TPRG1: variants seen among roughly 807,000 people sequenced by gnomAD.
TPRG1 encodes the protein tumor protein p63-regulated gene 1 protein.
TPRG1 carries 29 observed loss-of-function variants against 29.3 expected under a neutral mutation model. The ratio of observed to expected loss-of-function variants is 0.99; its 90% CI spans 0.74 to 1.35. The LOEUF (loss-of-function observed/expected upper bound fraction) is 1.35. Among genes scored for constraint, TPRG1 ranks in the 40% most tolerant of loss-of-function variants. TPRG1 has a pLI of 0.00. For synonymous variants in TPRG1, 130 were observed against 116.8 expected (o/e 1.11, Z -0.73); for missense variants, 327 against 335.0 (o/e 0.98, Z 0.19).
rs1349257239 is a variant in TPRG1, at chr3:189,058,716, G to A, written c.-463+34770G>A. Reference sequence around the variant, plus strand: ...TAGGAAAGCAGTGGGTTGTCTGTGGGGCTAATTTACCCAGTATGTGACTAA... The same window carrying A: ...TAGGAAAGCAGTGGGTTGTCTGTGGAGCTAATTTACCCAGTATGTGACTAA... On this transcript the variant is annotated intron_variant, in intron 4 of 10. Transcript: ENST00000433971. Among the ~76,000 whole-genome samples, 6 of 152,254 alleles carry A rather than the reference G, an allele frequency of 3.9e-5. No individual in the cohort carries two copies. The South Asian group carries it at 8.3e-4, about 21-fold the overall frequency.
At chr3:189,317,765 A>G (rs1323972382) in intron 5 of TPRG1, among the ~76,000 whole-genome samples, 3 of 152,210 alleles carry the variant, frequency 2.0e-5, no homozygotes, top group Non-Finnish European at 4.4e-5. Flanking sequence ...TATCAAATGT[A>G]TACTTACAAA....
At chr3:189,222,261 A>T (rs1410146343) in intron 3 of TPRG1, among the ~76,000 whole-genome samples, 1 of 152,278 alleles carries the variant, frequency 6.6e-6, no homozygotes, top group South Asian at 2.1e-4. Flanking sequence ...ACCTTGTCAC[A>T]GTCTCATTAT....
At position 189,320,832 on chromosome 3, in the gene TPRG1, G is replaced by A; in HGVS notation, c.*12G>A. The A allele has an allele frequency of 6.4e-7, 1 of 1,555,384 alleles. No homozygotes were observed. The highest frequency in any genetic ancestry group is 8.7e-7 in the Non-Finnish European group (1 of 1,151,058). ...GTATTGGTTTTTGAGAGTCTTTTTG[G>A]TACCATAAGCATATCATCCACAGAT... On this transcript the variant is annotated 3_prime_UTR_variant, in exon 6 of 6. Coordinates refer to ENST00000345063, the MANE Select transcript of TPRG1 (RefSeq NM_198485.4).
intron 4 of TPRG1, among the ~76,000 whole-genome samples, chr3:189,057,783 T>G (rs997740933): frequency 6.8e-6 from 1 of 147,324 alleles, no homozygotes; most frequent in Non-Finnish European, 1.5e-5. Context: ...TATACATATA[T>G]GTATATTTAT....
At chr3:189,036,304 G>A (rs1714265471) in intron 4 of TPRG1, among the ~76,000 whole-genome samples, 1 of 152,062 alleles carries the variant, frequency 6.6e-6, no homozygotes, top group South Asian at 2.1e-4. Flanking sequence ...AACTACTAGT[G>A]TAAAATTAGT....
intron 4 of TPRG1, among the ~76,000 whole-genome samples, chr3:189,301,055 T>C (rs1156708565): frequency 6.6e-6 from 1 of 152,102 alleles, no homozygotes; most frequent in Non-Finnish European, 1.5e-5. Context: ...CCCAGCACTT[T>C]GGGAGGCTGA....
chr3:189,262,983 G>A (rs1713398715), intron 4 of TPRG1, among the ~76,000 whole-genome samples: 1 of 152,264 alleles, frequency 6.6e-6, no homozygotes, highest in Non-Finnish European at 1.5e-5. Flanking sequence ...GAGAGCAAGA[G>A]AGAGAATGAG....
intron 4 of TPRG1, among the ~76,000 whole-genome samples, chr3:189,262,730 A>G (rs1453107519): frequency 4.6e-5 from 7 of 152,234 alleles, no homozygotes; most frequent in Non-Finnish European, 1.0e-4. Flanking sequence ...GGGGGTCAGG[A>G]ATATGGATAT....
At chr3:189,167,792 G>A (rs1190799424), upstream of TPRG1, among the ~76,000 whole-genome samples, 10 of 152,146 alleles carry the variant, frequency 6.6e-5, no homozygotes, top group Non-Finnish European at 1.5e-4. Flanking sequence ...GAAAAATGGT[G>A]CAACATTAGC....
chr3:189,054,324 C>T (rs1715517926), intron 4 of TPRG1, among the ~76,000 whole-genome samples: 1 of 151,370 alleles, frequency 6.6e-6, no homozygotes, highest in Admixed American at 6.6e-5. Context: ...TGGTTTGTGG[C>T]ACCCCAAAAC....
chr3:189,137,795 A>G (rs533860420), intron 3 of TPRG1, among the ~76,000 whole-genome samples: 1 of 152,226 alleles, frequency 6.6e-6, no homozygotes, highest in Non-Finnish European at 1.5e-5. Context: ...TAGCCAGTAT[A>G]GGCCTTGGTT....
At chr3:189,047,139 T>C (rs1435301089) in intron 4 of TPRG1, among the ~76,000 whole-genome samples, 1 of 152,178 alleles carries the variant, frequency 6.6e-6, no homozygotes, top group African/African-American at 2.4e-5. Flanking sequence ...ATATATCATA[T>C]ATATTACCAG....
intron 4 of TPRG1, among the ~76,000 whole-genome samples, chr3:189,243,961 C>A (rs1268159251): frequency 6.6e-6 from 1 of 152,188 alleles, no homozygotes; most frequent in Non-Finnish European, 1.5e-5. Context: ...CCTCATCCTC[C>A]TGTCTTCTTC....
At chr3:189,276,493 G>A (rs1716168145) in intron 4 of TPRG1, among the ~76,000 whole-genome samples, 1 of 152,164 alleles carries the variant, frequency 6.6e-6, no homozygotes, top group South Asian at 2.1e-4. Context: ...ATAAAATTGA[G>A]TTGTGAGCAA....
At chr3:189,037,146 C>T (rs1714322551) in intron 4 of TPRG1, among the ~76,000 whole-genome samples, 1 of 151,186 alleles carries the variant, frequency 6.6e-6, no homozygotes, top group South Asian at 2.1e-4. Flanking sequence ...TTCTTTGATA[C>T]TCATGAAACA....
intron 5 of TPRG1, among the ~76,000 whole-genome samples, chr3:189,166,432 A>G (rs12492072): frequency 0.094 from 14,245 of 152,216 alleles, 867 homozygotes; most frequent in Admixed American, 0.17. Flanking sequence ...CCTAGAAGAG[A>G]CCTCACTTTG....
chr3:189,073,806 A>G (rs1465123121), intron 4 of TPRG1, among the ~76,000 whole-genome samples: 1 of 152,150 alleles, frequency 6.6e-6, no homozygotes, highest in Admixed American at 6.5e-5. Flanking sequence ...CATGCACAAT[A>G]TATACAGAAG....
At chr3:189,148,592 G>A (rs966536579) in intron 4 of TPRG1, among the ~76,000 whole-genome samples, 3 of 152,188 alleles carry the variant, frequency 2.0e-5, no homozygotes, top group Non-Finnish European at 2.9e-5. Flanking sequence ...TAAGTAAGGA[G>A]CATGGCAAGA....
At chr3:189,161,067 G>A (rs1039738524) in intron 5 of TPRG1, among the ~76,000 whole-genome samples, 1 of 152,218 alleles carries the variant, frequency 6.6e-6, no homozygotes, top group African/African-American at 2.4e-5. Context: ...GGTGATGGCT[G>A]CCTCCTGGGA....
Sources: gnomAD v4.1 joint callset for allele counts (sites outside exome capture counted in the v4.1 genomes callset) on GRCh38, gnomAD v4.1.1 for gene constraint, MANE v1.5 for transcripts, NCBI Gene and HGNC (gene_info 2026-07-23, HGNC 2026-07-21) for gene names.